GLIPR1: variants seen among roughly 807,000 people sequenced by gnomAD.
GLIPR1 encodes glioma pathogenesis-related protein 1.
Under a neutral mutation model 30.3 loss-of-function variants are expected in GLIPR1, and 38 were observed. The observed-to-expected ratio is 1.26, with a 90% CI of 0.97 to 1.65. The LOEUF (loss-of-function observed/expected upper bound fraction) is 1.65. GLIPR1 is among the 40% of genes most tolerant of loss of function. The probability of loss-of-function intolerance (pLI) is 0.00; values close to 1 mark genes in which losing one functional copy is unlikely to be tolerated. For missense variants in GLIPR1, 285 were observed against 326.5 expected, an observed-to-expected ratio of 0.87 and a Z score of 0.98; for synonymous variants, 122 against 110.6, an observed-to-expected ratio of 1.10 and a Z score of -0.65.
chr12:75,487,308 C>T (rs1566096376), intron 2 of GLIPR1, among the ~76,000 whole-genome samples: 1 of 152,134 alleles, frequency 6.6e-6, no homozygotes, highest in South Asian at 2.1e-4. Context: ...AAACAAAGGA[C>T]CCCACATAAA....
rs765574444 is a variant in GLIPR1, at chr12:75,481,081, G to A, written c.174+27G>A. 1.4e-5 allele frequency: 22 copies of A among 1,557,000 alleles called. 1 individual carries two copies. The highest frequency in any genetic ancestry group is 5.2e-5 in the Admixed American group (3 of 58,140). On this transcript the variant is annotated intron_variant, in intron 1 of 5. Coordinates refer to ENST00000266659, the MANE Select transcript of GLIPR1 (RefSeq NM_006851.3). ...TAAGGAAAATATCATTAATTGTGGC[G>A]TCAGTCAGTCAGAAACAACTAATGT...
At chr12:75,498,122 A>G (rs2046363037) in intron 4 of GLIPR1, 1 of 152,500 alleles carries the variant, frequency 6.6e-6, no homozygotes. Flanking sequence ...TTTATAAAAG[A>G]AAGTATCCAG....
chr12:75,492,660 A>G (rs1037318299), intron 3 of GLIPR1: 4 of 152,252 alleles, frequency 2.6e-5, no homozygotes, highest in Non-Finnish European at 1.5e-5. Context: ...TATAAACAAT[A>G]TTAAATTATA....
rs2046371677 is a variant in GLIPR1, at chr12:75,499,062, C to G, written c.*84C>G. 1 of 833,274 alleles carries G rather than the reference C, an allele frequency of 1.2e-6. No individual in the cohort carries two copies. The highest frequency in any genetic ancestry group is 2.2e-5 in the South Asian group (1 of 45,516). The allele number at this position is 833,274 out of a possible 1,614,324, so 51.6% of individuals were successfully genotyped here. The stretch of plus-strand genomic sequence containing the variant: ...TAACCAATAACAATTAGGTGTACTT[C>G]TATTTTAAAACATTTCAGAAAAAAA... On this transcript the variant is annotated 3_prime_UTR_variant, in exon 6 of 6. Transcript: ENST00000266659.
At chr12:75,489,467 C>T (rs1257186554) in intron 2 of GLIPR1, among the ~76,000 whole-genome samples, 1 of 152,188 alleles carries the variant, frequency 6.6e-6, no homozygotes, top group African/African-American at 2.4e-5. Flanking sequence ...CTCTGGACTG[C>T]AGCCACCAAG....
In GLIPR1 at chr12:75,499,748, G is replaced by T; in HGVS notation, c.*770G>T. On this transcript the variant is annotated 3_prime_UTR_variant, in exon 6 of 6. Coordinates refer to ENST00000266659, the MANE Select transcript of GLIPR1 (RefSeq NM_006851.3). ...ATTTCTCACAAATAAGGCAACTAATGCCTGATATCTCAAAATCCTTTACAA... is the reference window on the plus strand; with the variant it reads ...ATTTCTCACAAATAAGGCAACTAATTCCTGATATCTCAAAATCCTTTACAA... 6.0e-6 allele frequency: 8 copies of T among 1,333,182 alleles called. No homozygotes were observed. Among genetic ancestry groups the T allele is most frequent in the Non-Finnish European group, 8.1e-6 (8 of 989,192 alleles). The allele number at this position is 1,333,182 out of a possible 1,614,324, so 82.6% of individuals were successfully genotyped here.
At chr12:75,485,472 T>C (rs2046289033) in intron 2 of GLIPR1, among the ~76,000 whole-genome samples, 1 of 152,180 alleles carries the variant, frequency 6.6e-6, no homozygotes, top group South Asian at 2.1e-4. Context: ...TAGATGGCGC[T>C]ACTGATCTTA....
intron 4 of GLIPR1, chr12:75,496,592 G>A (rs1268157986): frequency 6.6e-6 from 1 of 152,068 alleles, no homozygotes; most frequent in Non-Finnish European, 1.5e-5. Flanking sequence ...ATGGTGTGAA[G>A]GGGAAACTTC....
Position 75,502,226 on chromosome 12 carries a change from G to A in GLIPR1, c.*3248G>A, listed in dbSNP as rs2046399321. 4.9e-6 allele frequency: 2 copies of A among 407,168 alleles called. No homozygotes were observed. Among genetic ancestry groups the A allele is most frequent in the Admixed American group, 4.1e-5 (1 of 24,474 alleles). The allele number at this position is 407,168 out of a possible 1,614,324, so 25.2% of individuals were successfully genotyped here. On this transcript the variant is annotated 3_prime_UTR_variant, in exon 6 of 6. Coordinates refer to ENST00000266659, the MANE Select transcript of GLIPR1 (RefSeq NM_006851.3). ...GGAATACAACCCAGAGTAGTTCAGG[G>A]ATATGGCATGGAAGGTCACTGATTC... is the stretch of plus-strand genomic sequence containing the variant.
chr12:75,498,616 G>A (rs1241368643), intron 4 of GLIPR1, 78 bp from the exon 5 acceptor site: 1 of 1,158,054 alleles, frequency 8.6e-7, no homozygotes, highest in Non-Finnish European at 1.3e-6. Flanking sequence ...ATAATTATAA[G>A]ACTTAGCTTT....
Position 75,490,431 on chromosome 12 carries a change from T to G in GLIPR1, c.446T>G (p.Val149Gly). The change falls in exon 3 of 6, where the codon GTT (valine) becomes GGT (glycine). Residue 149 changes from valine (V) to glycine (G), a missense_variant. Coordinates refer to ENST00000266659, the MANE Select transcript of GLIPR1 (RefSeq NM_006851.3). ...TQVVWADSYK[V>G]GCAVQFCPKV... Reference sequence around the variant, plus strand: ...GTTGTTTGGGCAGATAGTTACAAAGTTGGCTGCGCAGTTCAATTTTGCCCT... The same window carrying G: ...GTTGTTTGGGCAGATAGTTACAAAGGTGGCTGCGCAGTTCAATTTTGCCCT... The G allele has an allele frequency of 6.2e-7, 1 of 1,602,008 alleles. No individual in the cohort carries two copies. Among genetic ancestry groups the G allele is most frequent in the South Asian group, 1.1e-5 (1 of 90,722 alleles).
At chr12:75,489,465 T>C (rs2046309835) in intron 2 of GLIPR1, among the ~76,000 whole-genome samples, 1 of 152,206 alleles carries the variant, frequency 6.6e-6, no homozygotes, top group African/African-American at 2.4e-5. Flanking sequence ...TCCTCTGGAC[T>C]GCAGCCACCA....
rs1241510069 is a variant in GLIPR1, at chr12:75,500,631, C to A, written c.*1653C>A. ...TAATTTGAGAGTGTGTGGAAGTCCC[C>A]CTAATAGAAGCCAACTATCTAATCA... On this transcript the variant is annotated 3_prime_UTR_variant, in exon 6 of 6. Transcript: ENST00000266659. 1 of 151,646 alleles carries A rather than the reference C, an allele frequency of 6.6e-6. No individual in the cohort carries two copies. Among genetic ancestry groups the A allele is most frequent in the African/African-American group, 2.4e-5 (1 of 41,296 alleles). 9.4% of individuals were successfully genotyped at this position (151,646 alleles called of 1,614,324 possible).
intron 2 of GLIPR1, among the ~76,000 whole-genome samples, chr12:75,489,260 C>T (rs1209991546): frequency 6.6e-6 from 1 of 152,188 alleles, no homozygotes; most frequent in Non-Finnish European, 1.5e-5. Flanking sequence ...AGTGCTGGAT[C>T]CCATGTAACA....
In GLIPR1 at chr12:75,499,473, C is replaced by T. The variant is rs901803221; in HGVS notation, c.*495C>T. The stretch of plus-strand genomic sequence containing the variant: ...ACTGTTAAAAGTAAAACCAAACTTT[C>T]AAAAGGGATAAACCTAAATATTTAC... On this transcript the variant is annotated 3_prime_UTR_variant, in exon 6 of 6. Coordinates refer to ENST00000266659, the MANE Select transcript of GLIPR1 (RefSeq NM_006851.3). 6.0e-6 allele frequency: 1 copy of T among 166,096 alleles called. No homozygotes were observed. Among genetic ancestry groups the T allele is most frequent in the Non-Finnish European group, 1.3e-5 (1 of 78,292 alleles). The allele number at this position is 166,096 out of a possible 1,614,324, so 10.3% of individuals were successfully genotyped here.
chr12:75,481,363 T>C, intron 1 of GLIPR1: 1 of 116,970 alleles, frequency 8.5e-6, no homozygotes, highest in Non-Finnish European at 1.6e-5. Context: ...TTTTCTTTTT[T>C]TTTTTTTTTT....
At chr12:75,498,775 G>T in intron 5 of GLIPR1, 49 bp from the exon 6 acceptor site, 1 of 1,605,526 alleles carries the variant, frequency 6.2e-7, no homozygotes, top group Non-Finnish European at 8.5e-7. Context: ...TTCTGTCAGT[G>T]CATTATGAGG....
rs1431245103 is a variant in GLIPR1 at position 75,501,854 on chromosome 12, TTTATAG to T, written c.*2880_*2885del. On this transcript the variant is annotated 3_prime_UTR_variant, in exon 6 of 6. Coordinates refer to ENST00000266659, the MANE Select transcript of GLIPR1 (RefSeq NM_006851.3). ...ATAAAAAATATATCAGTTAAATGTA[TTTATAG>T]TTAAATAATTCAAGTATCTATGAAC... The T allele has an allele frequency of 6.3e-7, 1 of 1,576,012 alleles. No homozygotes were observed. The highest frequency in any genetic ancestry group is 2.3e-5 in the East Asian group (1 of 43,252).
chr12:75,482,130 G>A lies in GLIPR1; in HGVS notation c.420+51G>A, dbSNP rs1272907798. 3 of 1,525,290 alleles carry A rather than the reference G, an allele frequency of 2.0e-6. 1 individual carries two copies. The South Asian group carries it at 3.5e-5, about 18-fold the overall frequency. 94.5% of individuals were successfully genotyped at this position (1,525,290 alleles called of 1,614,324 possible). A position where few individuals can be genotyped will look rare whatever the true frequency, so the allele number is the denominator to read the frequency against. On this transcript the variant is annotated intron_variant, in intron 2 of 5. Transcript: ENST00000266659. ...GAAACTGTCTTTTCAAGTATGAGGA[G>A]AAAAATTGTACTATGAAGTTAAGAA...
Sources: allele counts gnomAD v4.1 joint callset (sites outside exome capture counted in the v4.1 genomes callset), GRCh38; gene constraint gnomAD v4.1.1; transcripts MANE v1.5; gene names NCBI Gene and HGNC (gene_info 2026-07-23, HGNC 2026-07-21).